The following TAF1B variants were observed in gnomAD, a reference collection of about 807,000 sequenced individuals.
TAF1B encodes TATA box-binding protein-associated factor RNA polymerase I subunit B.
TAF1B carries 61 observed loss-of-function variants against 83.9 expected under a neutral mutation model. The ratio of observed to expected loss-of-function variants is 0.73; its 90% confidence interval spans 0.59 to 0.90. The LOEUF is 0.90. Among genes scored for constraint, TAF1B ranks in the 40% least tolerant of loss-of-function variants. The probability of loss-of-function intolerance (pLI) is 0.00; values close to 1 mark genes in which losing one functional copy is unlikely to be tolerated. For missense variants in TAF1B, 625 were observed against 677.0 expected (o/e 0.92, Z 0.85); for synonymous variants, 221 against 224.6 (o/e 0.98, Z 0.14).
intron 12 of TAF1B, chr2:9,913,451 G>GTGTTTTTA (rs1478869785): frequency 4.5e-6 from 2 of 443,322 alleles, no homozygotes; most frequent in Non-Finnish European, 7.9e-6. Context: ...GATTTCACCA[G>GTGTTTTTA]TGTTTTTATT....
intron 5 of TAF1B, among the ~76,000 whole-genome samples, chr2:9,866,150 A>G (rs962303492): frequency 6.0e-5 from 9 of 150,452 alleles, no homozygotes; most frequent in Non-Finnish European, 1.3e-4. Context: ...TGAACAGGCA[A>G]CCTACAGAAT....
intron 4 of TAF1B, chr2:9,851,976 C>T (rs909208196): frequency 8.1e-6 from 4 of 490,888 alleles, no homozygotes; most frequent in African/African-American, 7.9e-5. Flanking sequence ...AGGGAATGTC[C>T]TGTGTGTTAT....
chr2:9,921,885 A>G (rs1472780322), intron 14 of TAF1B, among the ~76,000 whole-genome samples: 1 of 152,238 alleles, frequency 6.6e-6, no homozygotes, highest in African/African-American at 2.4e-5. Flanking sequence ...GCCATTCAAT[A>G]AAATAGTTCT....
chr2:9,883,845 T>C (rs1048048922), intron 8 of TAF1B, among the ~76,000 whole-genome samples: 11 of 152,360 alleles, frequency 7.2e-5, no homozygotes, highest in African/African-American at 2.6e-4. Flanking sequence ...TTTGTAGTTA[T>C]GCTATAATAT....
Position 9,908,028 on chromosome 2 carries a change from CTTTTTTTTTTTTTT to C in TAF1B, c.956-2686_956-2673del, listed in dbSNP as rs57261740. ...AGCGGAGCAGTTCAAGATCTTAATT[CTTTTTTTTTTTTTT>C]TTTTTTTTTTTTTTTTTTTTTGAGA... On this transcript the variant is annotated intron_variant, in intron 9 of 14. Coordinates refer to ENST00000263663, the MANE Select transcript of TAF1B (RefSeq NM_005680.3). Among the ~76,000 whole-genome samples, 324 of 71,736 alleles carry C rather than the reference CTTTTTTTTTTTTTT, an allele frequency of 4.5e-3. 1 individual carries two copies. The highest frequency in any genetic ancestry group is 0.022 in the African/African-American group (280 of 12,682). The allele number at this position is 71,736 out of a possible 152,430, so 47.1% of individuals were successfully genotyped here.
intron 5 of TAF1B, among the ~76,000 whole-genome samples, chr2:9,866,476 A>G (rs1354839433): frequency 6.6e-5 from 10 of 152,026 alleles, no homozygotes; most frequent in Non-Finnish European, 1.2e-4. Flanking sequence ...GAACACTTTT[A>G]CACTGTTGGT....
At chr2:9,891,502 GATA>G (rs1664873467) in intron 8 of TAF1B, among the ~76,000 whole-genome samples, 1 of 151,998 alleles carries the variant, frequency 6.6e-6, no homozygotes, top group African/African-American at 2.4e-5. Flanking sequence ...CATAATACTT[GATA>G]ATAACTGTTA....
chr2:9,928,466 C>T (rs530318872), intron 14 of TAF1B, among the ~76,000 whole-genome samples: 9 of 152,280 alleles, frequency 5.9e-5, no homozygotes, highest in South Asian at 2.1e-4. Context: ...GCCATTTTCA[C>T]GATATTGATT....
chr2:9,856,076 A>G (rs1360271902), intron 5 of TAF1B, among the ~76,000 whole-genome samples: 1 of 152,184 alleles, frequency 6.6e-6, no homozygotes, highest in Non-Finnish European at 1.5e-5. Flanking sequence ...TTGGGTTCTC[A>G]TAGGTTTCAC....
intron 8 of TAF1B, among the ~76,000 whole-genome samples, chr2:9,901,692 C>A (rs2125167212): frequency 6.6e-6 from 1 of 152,166 alleles, no homozygotes; most frequent in East Asian, 1.9e-4. Context: ...TAAATTGTCT[C>A]AGCTTGAAAA....
chr2:9,873,349 G>C (rs1664225988), intron 6 of TAF1B, among the ~76,000 whole-genome samples: 1 of 152,208 alleles, frequency 6.6e-6, no homozygotes, highest in Middle Eastern at 3.2e-3. Context: ...GTTATTTTGA[G>C]ACTTTGTGTT....
rs1558251744 is a variant in TAF1B at position 9,888,801 on chromosome 2, T to TG, written c.807+5996_807+5997insG. Among the ~76,000 whole-genome samples the TG allele has an allele frequency of 3.3e-3, 468 of 141,990 alleles. 5 individuals are homozygous for TG. The highest frequency in any genetic ancestry group is 0.011 in the African/African-American group (408 of 36,914). The allele number at this position is 141,990 out of a possible 152,430, so 93.2% of individuals were successfully genotyped here. A position where few individuals can be genotyped will look rare whatever the true frequency, so the allele number is the denominator to read the frequency against. On this transcript the variant is annotated intron_variant, in intron 8 of 14. Transcript: ENST00000263663. ...GTTTCTTCTGCTTGGTTTTTTTTTT[T>TG]TTTTTTTTTTTTTTTTTTTAAGACA...
chr2:9,921,073 T>C (rs1665864042), intron 14 of TAF1B, among the ~76,000 whole-genome samples: 2 of 152,112 alleles, frequency 1.3e-5, no homozygotes, highest in Admixed American at 1.3e-4. Context: ...CTATAAACGG[T>C]CGATATTGGA....
chr2:9,858,469 A>G (rs1663636561), intron 5 of TAF1B, among the ~76,000 whole-genome samples: 1 of 152,256 alleles, frequency 6.6e-6, no homozygotes, highest in South Asian at 2.1e-4. Context: ...GGGATCTGCA[A>G]GACGATGGCC....
At chr2:9,922,835 C>T (rs1665916760) in intron 14 of TAF1B, among the ~76,000 whole-genome samples, 1 of 152,094 alleles carries the variant, frequency 6.6e-6, no homozygotes, top group African/African-American at 2.4e-5. Flanking sequence ...TAGGGCCTAC[C>T]CCAAGTTCTT....
chr2:9,922,707 G>A (rs1012753519), intron 14 of TAF1B, among the ~76,000 whole-genome samples: 4 of 152,004 alleles, frequency 2.6e-5, no homozygotes, highest in Admixed American at 2.0e-4. Flanking sequence ...GAGAATGTAA[G>A]GACTACTAGA....
chr2:9,844,221 G>C (rs1663123510), intron 1 of TAF1B: 1 of 151,560 alleles, frequency 6.6e-6, no homozygotes, highest in Admixed American at 6.6e-5. Flanking sequence ...CACGATCACG[G>C]CTCACTGCAG....
chr2:9,860,332 T>C (rs1224185967), intron 5 of TAF1B, among the ~76,000 whole-genome samples: 2 of 152,220 alleles, frequency 1.3e-5, no homozygotes, highest in Non-Finnish European at 2.9e-5. Context: ...GCTGTTAGTT[T>C]ATATTATAAT....
intron 1 of TAF1B, among the ~76,000 whole-genome samples, 186 bp from the exon 2 acceptor site, chr2:9,845,034 A>C (rs974316805): frequency 7.2e-5 from 11 of 152,000 alleles, no homozygotes; most frequent in Non-Finnish European, 1.2e-4. Context: ...TTTCTCCAGT[A>C]GTTTAATTCG....
Sources: allele counts gnomAD v4.1 joint callset (sites outside exome capture counted in the v4.1 genomes callset), GRCh38; gene constraint gnomAD v4.1.1; transcripts MANE v1.5; gene names NCBI Gene and HGNC (gene_info 2026-07-23, HGNC 2026-07-21).